CFAP96: variants seen among roughly 807,000 people sequenced by gnomAD.
The protein encoded by CFAP96 is cilia-and flagella-associated protein 96.
the CFAP96 span, chr4:185,440,713 T>G: frequency 7.3e-7 from 1 of 1,362,322 alleles, no homozygotes; most frequent in Non-Finnish European, 9.7e-7. Flanking sequence ...CTTCTCCTGG[T>G]AAAAAGGTAA....
the CFAP96 span, chr4:185,440,594 C>G: frequency 2.0e-6 from 3 of 1,536,108 alleles, no homozygotes; most frequent in South Asian, 3.7e-5. Flanking sequence ...TAAGTTAAAT[C>G]TTCACCCAAG....
At chr4:185,441,711 T>C in the CFAP96 span, among the ~76,000 whole-genome samples, 1 of 151,800 alleles carries the variant, frequency 6.6e-6, no homozygotes, top group Non-Finnish European at 1.5e-5. Flanking sequence ...TAAAATATCC[T>C]TTTGCATTTA....
the CFAP96 span, chr4:185,435,902 A>G: frequency 1.7e-6 from 1 of 591,702 alleles, no homozygotes; most frequent in African/African-American, 2.0e-5. Context: ...AAAATCTGTG[A>G]CTGAAGAATG....
chr4:185,449,346 C>T, the CFAP96 span, among the ~76,000 whole-genome samples: 1 of 152,032 alleles, frequency 6.6e-6, no homozygotes, highest in East Asian at 1.9e-4. Context: ...CATGGCAAAA[C>T]TCTGTCTCTA....
the CFAP96 span, among the ~76,000 whole-genome samples, chr4:185,412,904 C>A: frequency 6.6e-6 from 1 of 152,088 alleles, no homozygotes; most frequent in Non-Finnish European, 1.5e-5. Flanking sequence ...AGTAACCCTT[C>A]CACCACCCTC....
At chr4:185,430,243 A>G in the CFAP96 span, among the ~76,000 whole-genome samples, 1,158 of 152,324 alleles carry the variant, frequency 7.6e-3, 15 homozygotes, top group African/African-American at 0.027. Context: ...GCTAATATAC[A>G]TAAATATTTA....
chr4:185,412,558 G>GC, the CFAP96 span, among the ~76,000 whole-genome samples: 7 of 152,156 alleles, frequency 4.6e-5, no homozygotes, highest in African/African-American at 1.7e-4. Context: ...TGCAGAGTTA[G>GC]CCAGGCAGCC....
chr4:185,426,989 G>T, the CFAP96 span, among the ~76,000 whole-genome samples: 1 of 151,558 alleles, frequency 6.6e-6, no homozygotes, highest in East Asian at 1.9e-4. Context: ...GCTTGAACCC[G>T]GGAGGCGGAG....
the CFAP96 span, among the ~76,000 whole-genome samples, chr4:185,428,867 C>A: frequency 6.6e-6 from 1 of 150,910 alleles, no homozygotes. Flanking sequence ...TAGGGTAATA[C>A]CTCAATGTGT....
chr4:185,439,352 G>A, the CFAP96 span, among the ~76,000 whole-genome samples: 4 of 152,110 alleles, frequency 2.6e-5, no homozygotes, highest in Non-Finnish European at 5.9e-5. Context: ...CCTACAAGCT[G>A]GAGAAAGGAA....
the CFAP96 span, among the ~76,000 whole-genome samples, chr4:185,436,974 A>C: frequency 6.6e-6 from 1 of 152,114 alleles, no homozygotes; most frequent in Admixed American, 6.6e-5. Flanking sequence ...GGCCTGATGA[A>C]CTATGTTCTA....
chr4:185,419,073 A>C, the CFAP96 span, among the ~76,000 whole-genome samples: 4 of 152,146 alleles, frequency 2.6e-5, no homozygotes, highest in Non-Finnish European at 5.9e-5. Flanking sequence ...ACCTACCAGC[A>C]GTCGTTTCTC....
the CFAP96 span, chr4:185,415,082 G>T: frequency 7.9e-7 from 1 of 1,272,678 alleles, no homozygotes. Flanking sequence ...CCATTTAGTG[G>T]AAATATATAA....
chr4:185,430,970 G>A, the CFAP96 span, among the ~76,000 whole-genome samples: 1 of 152,046 alleles, frequency 6.6e-6, no homozygotes, highest in South Asian at 2.1e-4. Context: ...CCAGCACTTT[G>A]GGAGGCTGAG....
At chr4:185,449,139 T>C in the CFAP96 span, among the ~76,000 whole-genome samples, 1 of 152,212 alleles carries the variant, frequency 6.6e-6, no homozygotes, top group South Asian at 2.1e-4. Context: ...TGAAGTGTTT[T>C]AAGTTGATGA....
chr4:185,445,057 G>T, the CFAP96 span: 1 of 1,551,484 alleles, frequency 6.4e-7, no homozygotes, highest in Admixed American at 2.0e-5. Flanking sequence ...TGGCAAAGAT[G>T]ATAAGATTTT....
the CFAP96 span, among the ~76,000 whole-genome samples, chr4:185,439,215 T>C: frequency 6.6e-6 from 1 of 152,180 alleles, no homozygotes; most frequent in Admixed American, 6.5e-5. Flanking sequence ...AAATAAATTA[T>C]CAAGTGATTC....
At chr4:185,410,813 G>C in the CFAP96 span, among the ~76,000 whole-genome samples, 16 of 151,848 alleles carry the variant, frequency 1.1e-4, no homozygotes, top group Non-Finnish European at 2.1e-4. Context: ...AGGCGTGGTA[G>C]CACCCTCCTG....
the CFAP96 span, among the ~76,000 whole-genome samples, chr4:185,417,538 T>C: frequency 1.3e-5 from 2 of 152,296 alleles, no homozygotes; most frequent in East Asian, 1.9e-4. Context: ...TCTATTTCCA[T>C]AGCTAGTGGT....
Sources: gnomAD v4.1 joint callset for allele counts (sites outside exome capture counted in the v4.1 genomes callset) on GRCh38, gnomAD v4.1.1 for gene constraint, MANE v1.5 for transcripts, NCBI Gene and HGNC (gene_info 2026-07-23, HGNC 2026-07-21) for gene names.